MYO1H: variants seen among roughly 807,000 people sequenced by gnomAD.
MYO1H encodes the protein unconventional myosin-Ih.
Under a neutral mutation model 149.3 loss-of-function variants are expected in MYO1H, and 118 were observed. The ratio of observed to expected loss-of-function variants is 0.79; its 90% confidence interval spans 0.68 to 0.92. The LOEUF (loss-of-function observed/expected upper bound fraction) is 0.92. MYO1H is among the 40% of genes least tolerant of loss of function. MYO1H has a pLI of 0.00. For missense variants in MYO1H, 1,212 were observed against 1,280.7 expected (o/e 0.95, Z 0.82); for synonymous variants, 447 against 465.2 (o/e 0.96, Z 0.50).
At chr12:109,364,992 A>G (rs1868838009) in intron 1 of MYO1H, among the ~76,000 whole-genome samples, 1 of 152,190 alleles carries the variant, frequency 6.6e-6, no homozygotes, top group Non-Finnish European at 1.5e-5. Context: ...ATCTTCAGGC[A>G]GGGCGTGGTG....
At chr12:109,373,673 G>A (rs552609083) in intron 1 of MYO1H, among the ~76,000 whole-genome samples, 1 of 152,038 alleles carries the variant, frequency 6.6e-6, no homozygotes, top group Non-Finnish European at 1.5e-5. Flanking sequence ...AGATGAGCTT[G>A]GTCTAGTTAC....
At chr12:109,434,695 G>A (rs1422779627) in intron 20 of MYO1H, among the ~76,000 whole-genome samples, 1 of 152,162 alleles carries the variant, frequency 6.6e-6, no homozygotes, top group African/African-American at 2.4e-5. Flanking sequence ...AAAATCAAGA[G>A]TTGGCAGGGC....
chr12:109,444,696 G>A (rs529484661), intron 30 of MYO1H, among the ~76,000 whole-genome samples, 167 bp downstream of exon 30: 25 of 152,140 alleles, frequency 1.6e-4, no homozygotes, highest in African/African-American at 5.5e-4. Flanking sequence ...GTGAAACCCC[G>A]TTTCTACTAA....
rs187758751 is a variant in MYO1H, at chr12:109,427,465, A to G, written c.1832-4A>G. The G allele has an allele frequency of 7.5e-4, 1,194 of 1,600,354 alleles. 6 individuals are homozygous for G. In the African/African-American group the frequency reaches 0.013, roughly 17 times the overall value. On this transcript the variant is annotated splice_polypyrimidine_tract_variant and splice_region_variant and intron_variant, in intron 18 of 31. Coordinates refer to ENST00000310903, the Ensembl canonical transcript of MYO1H. ...CTGTCATTCTCTGTTCTATTTCTCC[A>G]AAGGCAAATTTGATGACTTCCTCAT...
intron 1 of MYO1H, among the ~76,000 whole-genome samples, chr12:109,387,586 G>A (rs918317842): frequency 3.9e-5 from 6 of 152,346 alleles, no homozygotes; most frequent in Middle Eastern, 3.4e-3. Flanking sequence ...AAGGCAGGCC[G>A]CTTCTCTTCC....
exon 4 of MYO1H, chr12:109,396,552 C>T (rs1385026936): frequency 6.2e-7 from 1 of 1,613,458 alleles, no homozygotes; most frequent in Non-Finnish European, 8.5e-7. Flanking sequence ...TAGCCCGTGA[C>T]AGACTGCTGT....
intron 1 of MYO1H, among the ~76,000 whole-genome samples, chr12:109,355,100 C>G (rs1031444719): frequency 2.0e-5 from 3 of 152,124 alleles, no homozygotes; most frequent in Non-Finnish European, 2.9e-5. Context: ...GCCCTGAGTT[C>G]CTGGTAGCCG....
chr12:109,381,069 G>T (rs935006192), intron 1 of MYO1H, among the ~76,000 whole-genome samples: 2 of 152,124 alleles, frequency 1.3e-5, no homozygotes, highest in African/African-American at 4.8e-5. Flanking sequence ...TAGAAACAAT[G>T]ATTAACCCTG....
rs545807726 is a variant in MYO1H, at chr12:109,365,013, A to G, written c.12+17041A>G. ...AGGCAGGGCGTGGTGGTTCACAACTATAATCCCAGTGATTTGGAAGGCCGA... is the reference window on the plus strand; with the variant it reads ...AGGCAGGGCGTGGTGGTTCACAACTGTAATCCCAGTGATTTGGAAGGCCGA... On this transcript the variant is annotated intron_variant, in intron 1 of 31. Coordinates refer to ENST00000310903, the Ensembl canonical transcript of MYO1H. Among the ~76,000 whole-genome samples the G allele has an allele frequency of 2.6e-5, 4 of 152,332 alleles. No homozygotes were observed. The East Asian group carries it at 7.7e-4, about 29-fold the overall frequency.
At chr12:109,420,892 T>C in intron 15 of MYO1H, 89 bp from the exon 16 acceptor site, 3 of 755,082 alleles carry the variant, frequency 4.0e-6, no homozygotes, top group Non-Finnish European at 7.0e-6. Context: ...AAATTCTTTT[T>C]CAGAATTTCC....
At chr12:109,439,876 C>A in intron 24 of MYO1H, 86 bp downstream of exon 24, 1 of 1,287,754 alleles carries the variant, frequency 7.8e-7, no homozygotes, top group Non-Finnish European at 1.1e-6. Context: ...TGCTGCCTCC[C>A]TTTGGCTTGA....
chr12:109,424,600 T>C (rs1162832330), intron 16 of MYO1H, 148 bp from the exon 17 acceptor site: 4 of 595,990 alleles, frequency 6.7e-6, no homozygotes, highest in African/African-American at 1.9e-5. Flanking sequence ...TTAACTGTGT[T>C]GTTCCCCTTT....
intron 19 of MYO1H, among the ~76,000 whole-genome samples, chr12:109,431,433 G>A (rs927177341): frequency 1.8e-4 from 27 of 152,038 alleles, no homozygotes; most frequent in African/African-American, 5.8e-4. Flanking sequence ...GAGCATATTG[G>A]GAACACCACT....
At chr12:109,421,136 T>A in intron 16 of MYO1H, 109 bp downstream of exon 16, 1 of 678,530 alleles carries the variant, frequency 1.5e-6, no homozygotes, top group Non-Finnish European at 2.6e-6. Context: ...CCATGCATCG[T>A]ATTAGAACTC....
the MYO1H span, among the ~76,000 whole-genome samples, chr12:109,316,105 T>C: frequency 1.6e-5 from 2 of 125,974 alleles, no homozygotes; most frequent in Non-Finnish European, 3.1e-5. Flanking sequence ...GAGTGTTACA[T>C]GAAAATGCAT....
Position 109,405,204 on chromosome 12 carries a change from C to T in MYO1H, c.850-718C>T, listed in dbSNP as rs189347157. Among the ~76,000 whole-genome samples the T allele has an allele frequency of 2.1e-3, 325 of 151,410 alleles. 1 individual carries two copies. Among genetic ancestry groups the T allele is most frequent in the African/African-American group, 7.6e-3 (313 of 41,204 alleles). ...CTCCAGCCTGGGTGACAGAGCAAGA[C>T]CCTGTCTCTTAAAAAAAAAGATAGA... On this transcript the variant is annotated intron_variant, in intron 7 of 31. Coordinates refer to ENST00000310903, the Ensembl canonical transcript of MYO1H.
chr12:109,319,362 T>G, the MYO1H span, among the ~76,000 whole-genome samples: 1 of 152,242 alleles, frequency 6.6e-6, no homozygotes, highest in East Asian at 1.9e-4. Context: ...TTATATGAGA[T>G]ACACACAGTA....
intron 23 of MYO1H, 142 bp downstream of exon 23, chr12:109,438,762 C>T (rs1393649140): frequency 1.6e-6 from 1 of 644,494 alleles, no homozygotes; most frequent in Non-Finnish European, 2.7e-6. Context: ...ATTAGGAATT[C>T]AGGTCCATCC....
intron 17 of MYO1H, among the ~76,000 whole-genome samples, chr12:109,425,664 A>G (rs767803683): frequency 6.6e-6 from 1 of 152,200 alleles, no homozygotes; most frequent in African/African-American, 2.4e-5. Flanking sequence ...CCTGGGGCAG[A>G]ACTGGTTCCT....
Sources: gnomAD v4.1 joint callset for allele counts (sites outside exome capture counted in the v4.1 genomes callset) on GRCh38, gnomAD v4.1.1 for gene constraint, MANE v1.5 for transcripts, NCBI Gene and HGNC (gene_info 2026-07-23, HGNC 2026-07-21) for gene names.